Variants in MINAR1 observed in about 807,000 individuals in gnomAD.
MINAR1 encodes the protein membrane integral NOTCH2 associated receptor 1, also known as major intrinsically disordered Notch2-binding receptor 1.
Under a neutral mutation model 65.1 loss-of-function variants are expected in MINAR1, and 40 were observed. That is an observed-to-expected ratio of 0.61 (90% CI 0.48 to 0.80). The LOEUF (loss-of-function observed/expected upper bound fraction) is 0.80. Among genes scored for constraint, MINAR1 ranks in the 30% least tolerant of loss-of-function variants. The pLI, the probability that MINAR1 is intolerant of heterozygous loss-of-function variation, is 0.00. For missense variants in MINAR1, 1,128 were observed against 1,148.0 expected (o/e 0.98, Z 0.25); for synonymous variants, 482 against 449.1 (o/e 1.07, Z -0.93).
chr15:79,415,515 A>C, the MINAR1 span: 1 of 152,204 alleles, frequency 6.6e-6, no homozygotes, highest in Non-Finnish European at 1.5e-5. Context: ...TTTTCTGCCA[A>C]GGGTGGCTGA....
chr15:79,456,118 G>A lies in MINAR1; in HGVS notation c.-30G>A. The A allele has an allele frequency of 6.3e-7, 1 of 1,596,612 alleles. No homozygotes were observed. Among genetic ancestry groups the A allele is most frequent in the African/African-American group, 1.3e-5 (1 of 74,596 alleles). ...CACAGAACTGACCTGAAGTTTCAGT[G>A]TAGTCAGAGAGCTCTTCAAGTAATA... is the stretch of plus-strand genomic sequence containing the variant. On this transcript the variant is annotated 5_prime_UTR_variant, in exon 2 of 4. Transcript: ENST00000305428.
At chr15:79,452,445 T>A (rs1895243420) in intron 1 of MINAR1, among the ~76,000 whole-genome samples, 1 of 149,948 alleles carries the variant, frequency 6.7e-6, no homozygotes, top group African/African-American at 2.4e-5. Context: ...TCTGTGTGAG[T>A]GTGTGTGGGT....
chr15:79,444,299 A>T (rs1894949304), intron 1 of MINAR1, among the ~76,000 whole-genome samples: 1 of 152,160 alleles, frequency 6.6e-6, no homozygotes, highest in South Asian at 2.1e-4. Context: ...ACCTATGTTA[A>T]TGTTGTTCCA....
intron 1 of MINAR1, among the ~76,000 whole-genome samples, chr15:79,439,838 C>A (rs1056140506): frequency 6.6e-6 from 1 of 151,916 alleles, no homozygotes; most frequent in African/African-American, 2.4e-5. Flanking sequence ...ACGGGAGAAG[C>A]CTGACTCTGT....
At chr15:79,448,094 C>T (rs979419472) in intron 1 of MINAR1, among the ~76,000 whole-genome samples, 7 of 152,184 alleles carry the variant, frequency 4.6e-5, no homozygotes, top group African/African-American at 9.7e-5. Flanking sequence ...AGCTTGCTCT[C>T]GCAAGTTTAG....
chr15:79,466,267 C>G (rs1895849453), intron 3 of MINAR1, among the ~76,000 whole-genome samples: 1 of 152,188 alleles, frequency 6.6e-6, no homozygotes, highest in Non-Finnish European at 1.5e-5. Flanking sequence ...CCTAGATCCC[C>G]TTCTCTTTCC....
intron 1 of MINAR1, among the ~76,000 whole-genome samples, chr15:79,451,208 G>A (rs1895186386): frequency 6.6e-6 from 1 of 152,182 alleles, no homozygotes; most frequent in Non-Finnish European, 1.5e-5. Context: ...AACTCCTAAA[G>A]ACCTGGACCC....
chr15:79,457,376 G>C lies in MINAR1; in HGVS notation c.1229G>C (p.Arg410Thr). 1.3e-5 allele frequency: 21 copies of C among 1,614,144 alleles called. No individual in the cohort carries two copies. Among genetic ancestry groups the C allele is most frequent in the Non-Finnish European group, 1.7e-5 (20 of 1,180,026 alleles). Residue 410 changes from arginine to threonine, a missense_variant, in exon 2 of 4, where the codon AGG becomes ACG. Coordinates refer to ENST00000305428, the MANE Select transcript of MINAR1 (RefSeq NM_015206.3). ...ACCCCCAATTTCCCAGCCCCAGAAAGGCGCCCAACTTACCTTGTGCCAAAG... is the reference window on the plus strand; with the variant it reads ...ACCCCCAATTTCCCAGCCCCAGAAACGCGCCCAACTTACCTTGTGCCAAAG... ...SQTPNFPAPE[R>T]RPTYLVPKDQ... is the part of the protein sequence containing the mutation.
Position 79,470,764 on chromosome 15 carries a change from A to C in MINAR1, c.*2380A>C, listed in dbSNP as rs574849600. Reference sequence around the variant, plus strand: ...AACATTGTTGTCACGTAACGGAAACATCTAGACCTGGTAATAATCCAGGAA... The same window carrying C: ...AACATTGTTGTCACGTAACGGAAACCTCTAGACCTGGTAATAATCCAGGAA... On this transcript the variant is annotated 3_prime_UTR_variant, in exon 4 of 4. Coordinates refer to ENST00000305428, the MANE Select transcript of MINAR1 (RefSeq NM_015206.3). 1 of 152,398 alleles carries C rather than the reference A, an allele frequency of 6.6e-6. No individual in the cohort carries two copies. The highest frequency in any genetic ancestry group is 2.4e-5 in the African/African-American group (1 of 41,594). 9.4% of individuals were successfully genotyped at this position (152,398 alleles called of 1,614,324 possible). A position where few individuals can be genotyped will look rare whatever the true frequency, so the allele number is the denominator to read the frequency against.
At chr15:79,437,110 AAAACAAAC>A (rs10587445) in intron 1 of MINAR1, among the ~76,000 whole-genome samples, 17 of 151,670 alleles carry the variant, frequency 1.1e-4, no homozygotes, top group Middle Eastern at 3.4e-3. Flanking sequence ...ACTAACTAAG[AAAACAAAC>A]AAACAAAGAT....
At chr15:79,426,330 C>T in the MINAR1 span, 1 of 152,244 alleles carries the variant, frequency 6.6e-6, no homozygotes, top group African/African-American at 2.4e-5. Flanking sequence ...CAGATTCTTT[C>T]ACATCGTCCC....
At chr15:79,439,266 T>TGG (rs1380763185) in intron 1 of MINAR1, among the ~76,000 whole-genome samples, 1 of 74,230 alleles carries the variant, frequency 1.3e-5, no homozygotes, top group African/African-American at 5.7e-5. Context: ...GGGTAGTGTG[T>TGG]GGGGTGTGGG....
At chr15:79,442,677 T>C (rs1894905094) in intron 1 of MINAR1, among the ~76,000 whole-genome samples, 1 of 151,772 alleles carries the variant, frequency 6.6e-6, no homozygotes. Flanking sequence ...TTACTGCCCA[T>C]TTAGAGCCTT....
the MINAR1 span, chr15:79,418,116 A>C: frequency 4.6e-5 from 7 of 152,246 alleles, no homozygotes; most frequent in Admixed American, 1.3e-4. Flanking sequence ...CTCCTTGGAG[A>C]TAAAGGATGG....
Position 79,457,099 on chromosome 15 carries a change from TC to T in MINAR1, c.956del (p.Pro319ArgfsTer13). 1 of 1,614,080 alleles carries T rather than the reference TC, an allele frequency of 6.2e-7. No individual in the cohort carries two copies. Among genetic ancestry groups the T allele is most frequent in the Non-Finnish European group, 8.5e-7 (1 of 1,180,014 alleles). ...CAGCCAGTACCTGAATCCAGTGTAT[TC>T]CCCGGTTCCTGACAAAAGGCGAGCA... ...YNSQYLNPVY[S>X]PVPDKRRAKH... On this transcript the variant is annotated frameshift_variant, in exon 2 of 4. Transcript: ENST00000305428. LOFTEE classifies it high-confidence loss of function.
rs144353351 is a variant in MINAR1, at chr15:79,457,816, G to C, written c.1669G>C (p.Asp557His). The C allele has an allele frequency of 6.2e-7, 1 of 1,614,130 alleles. No individual in the cohort carries two copies. The highest frequency in any genetic ancestry group is 2.2e-5 in the East Asian group (1 of 44,884). Residue 557 changes from aspartate to histidine, a missense_variant, in exon 2 of 4, where the codon GAC becomes CAC. Transcript: ENST00000305428. ...GTCTCAGCTCCATAAGTCAGACTGC[G>C]ACAGTTCCCCTGAGCACAACTTAAC... Reference protein sequence around the residue: ...SLSQLHKSDCDSSPEHNLTKI... With the variant: ...SLSQLHKSDCHSSPEHNLTKI...
intron 3 of MINAR1, chr15:79,463,701 G>A (rs1895735911): frequency 2.1e-6 from 1 of 475,610 alleles, no homozygotes; most frequent in Non-Finnish European, 4.2e-6. Context: ...GTAGCACGTG[G>A]GATAAGCATA....
chr15:79,449,506 A>G (rs1010580489), intron 1 of MINAR1, among the ~76,000 whole-genome samples: 2 of 147,174 alleles, frequency 1.4e-5, no homozygotes, highest in African/African-American at 5.3e-5. Flanking sequence ...CTGCATCTTC[A>G]CATAACAAAA....
chr15:79,414,171 G>A, the MINAR1 span: 3 of 152,156 alleles, frequency 2.0e-5, no homozygotes, highest in Non-Finnish European at 4.4e-5. Context: ...TATGTGCTGT[G>A]CTGGGGTTTC....
Sources: gnomAD v4.1 joint callset for allele counts (sites outside exome capture counted in the v4.1 genomes callset) on GRCh38, gnomAD v4.1.1 for gene constraint, MANE v1.5 for transcripts, NCBI Gene and HGNC (gene_info 2026-07-23, HGNC 2026-07-21) for gene names.